The following DYM variants were observed in gnomAD, a reference collection of about 807,000 sequenced individuals.
DYM encodes the protein dymeclin.
A neutral mutation model predicts 93.1 loss-of-function variants in DYM; 78 were observed. The observed-to-expected ratio is 0.84, with a 90% confidence interval of 0.70 to 1.01. The LOEUF (loss-of-function observed/expected upper bound fraction) is 1.01. Ranked by LOEUF, DYM falls within the 50% of genes least tolerant of loss-of-function variation. DYM has a pLI of 0.00. For missense variants in DYM, 789 were observed against 845.0 expected, an observed-to-expected ratio of 0.93 and a Z score of 0.82; for synonymous variants, 321 against 319.7, an observed-to-expected ratio of 1.00 and a Z score of -0.04.
chr18:49,070,304 A>G (rs751366625), intron 17 of DYM, among the ~76,000 whole-genome samples: 14 of 152,164 alleles, frequency 9.2e-5, no homozygotes, highest in Admixed American at 1.3e-4. Context: ...TTCTCCAACT[A>G]TTCCAGGATG....
intron 15 of DYM, among the ~76,000 whole-genome samples, chr18:49,154,980 A>G (rs968242438): frequency 3.3e-5 from 5 of 152,220 alleles, no homozygotes; most frequent in Non-Finnish European, 7.3e-5. Flanking sequence ...ACTGGTTTAT[A>G]TATCATGGGT....
At chr18:49,156,895 C>T (rs1443113812) in intron 15 of DYM, among the ~76,000 whole-genome samples, 2 of 151,990 alleles carry the variant, frequency 1.3e-5, no homozygotes, top group African/African-American at 4.8e-5. Context: ...AGCATCTGGC[C>T]AGTCTCTGCC....
At chr18:49,192,092 CTAATT>C (rs2091027343) in intron 14 of DYM, among the ~76,000 whole-genome samples, 1 of 135,154 alleles carries the variant, frequency 7.4e-6, no homozygotes, top group Non-Finnish European at 1.6e-5. Flanking sequence ...CCATGCCTGG[CTAATT>C]TTTTTTTTTT....
intron 5 of DYM, among the ~76,000 whole-genome samples, chr18:49,376,956 G>C (rs2067559144): frequency 6.6e-6 from 1 of 152,156 alleles, no homozygotes; most frequent in Non-Finnish European, 1.5e-5. Flanking sequence ...AGGATGAAAT[G>C]ACTGTCCTAA....
chr18:49,198,718 T>G (rs1056060369), intron 14 of DYM, among the ~76,000 whole-genome samples: 2 of 151,276 alleles, frequency 1.3e-5, no homozygotes, highest in African/African-American at 4.9e-5. Flanking sequence ...CATTAAAAAG[T>G]CAGGAAACAA....
intron 8 of DYM, among the ~76,000 whole-genome samples, chr18:49,292,923 C>T (rs542964328): frequency 2.0e-5 from 3 of 151,920 alleles, no homozygotes; most frequent in South Asian, 4.2e-4. Flanking sequence ...TTTGCTGCAC[C>T]CATCAACCTG....
In DYM at chr18:49,037,948, C is replaced by A. The variant is rs2070766090; in HGVS notation, c.*6107G>T. Among the ~76,000 whole-genome samples, 1 of 152,128 alleles carries A rather than the reference C, an allele frequency of 6.6e-6. No individual in the cohort carries two copies. Among genetic ancestry groups the A allele is most frequent in the Non-Finnish European group, 1.5e-5 (1 of 68,006 alleles). ...CAAGTGATTCTCCTGCCTCAGCTTC[C>A]CAAGTAGCTGGGGCTATAGGCACAT... On this transcript the variant is annotated 3_prime_UTR_variant, in exon 18 of 18. Transcript: ENST00000675505.
At chr18:49,167,697 G>A (rs1002242598) in intron 14 of DYM, among the ~76,000 whole-genome samples, 1 of 152,090 alleles carries the variant, frequency 6.6e-6, no homozygotes, top group African/African-American at 2.4e-5. Context: ...GATATATGAT[G>A]TTTGTATGTA....
chr18:49,260,252 C>T (rs143949296), intron 11 of DYM, among the ~76,000 whole-genome samples: 22 of 152,156 alleles, frequency 1.4e-4, no homozygotes, highest in Non-Finnish European at 2.8e-4. Flanking sequence ...TAGTAGTGTA[C>T]GCCTATATAG....
chr18:49,175,649 G>A (rs1364387574), intron 14 of DYM, among the ~76,000 whole-genome samples: 1 of 152,156 alleles, frequency 6.6e-6, no homozygotes, highest in Non-Finnish European at 1.5e-5. Flanking sequence ...CTTGCTGACT[G>A]TCAAGTAATG....
chr18:49,195,473 A>C (rs916967286), intron 14 of DYM, among the ~76,000 whole-genome samples: 4 of 152,166 alleles, frequency 2.6e-5, no homozygotes, highest in Non-Finnish European at 5.9e-5. Flanking sequence ...TTTACCCTTC[A>C]GTACCACAGA....
At chr18:49,109,058 A>T (rs1189626575) in intron 16 of DYM, among the ~76,000 whole-genome samples, 1 of 152,050 alleles carries the variant, frequency 6.6e-6, no homozygotes, top group African/African-American at 2.4e-5. Context: ...CTTACGTAGT[A>T]AAAGTTATTT....
chr18:49,412,236 T>A (rs1486537792), intron 2 of DYM, among the ~76,000 whole-genome samples: 1 of 135,108 alleles, frequency 7.4e-6, no homozygotes, highest in Non-Finnish European at 1.6e-5. Context: ...AACATTGACT[T>A]AAAAAAAAAA....
intron 1 of DYM, among the ~76,000 whole-genome samples, chr18:49,457,451 A>C (rs149796274): frequency 0.021 from 3,127 of 152,340 alleles, 44 homozygotes; most frequent in Non-Finnish European, 0.033. Flanking sequence ...TCATTTTTAA[A>C]GGTCTCATTT....
chr18:49,113,126 C>T (rs1041673975), intron 16 of DYM, among the ~76,000 whole-genome samples: 1 of 151,996 alleles, frequency 6.6e-6, no homozygotes, highest in Non-Finnish European at 1.5e-5. Flanking sequence ...CCTTGTTTAA[C>T]AATTGTGGGA....
chr18:49,362,333 ACTT>A (rs1189158481), intron 6 of DYM, among the ~76,000 whole-genome samples: 1 of 152,138 alleles, frequency 6.6e-6, no homozygotes, highest in African/African-American at 2.4e-5. Flanking sequence ...CCCTGTCTCT[ACTT>A]TAAATTTTTA....
chr18:49,291,612 A>G (rs1178462360), intron 8 of DYM, among the ~76,000 whole-genome samples: 2 of 152,206 alleles, frequency 1.3e-5, no homozygotes, highest in African/African-American at 4.8e-5. Flanking sequence ...ATCAGCAAGA[A>G]GAGGTTTTTC....
intron 13 of DYM, among the ~76,000 whole-genome samples, chr18:49,224,039 AAG>A (rs1367224501): frequency 1.3e-5 from 2 of 152,076 alleles, no homozygotes; most frequent in Non-Finnish European, 2.9e-5. Flanking sequence ...AGACCTGTTA[AAG>A]AGTTACTGCA....
intron 16 of DYM, among the ~76,000 whole-genome samples, chr18:49,114,221 T>C (rs868533653): frequency 2.0e-5 from 3 of 152,240 alleles, no homozygotes; most frequent in Non-Finnish European, 4.4e-5. Context: ...CTAGCTCACA[T>C]GGATTAAGAA....
Sources: gnomAD v4.1 joint callset for allele counts (sites outside exome capture counted in the v4.1 genomes callset) on GRCh38, gnomAD v4.1.1 for gene constraint, MANE v1.5 for transcripts, NCBI Gene and HGNC (gene_info 2026-07-23, HGNC 2026-07-21) for gene names.